The following NTM variants were observed in gnomAD, a reference collection of about 807,000 sequenced individuals.
NTM encodes neurotrimin, also known as IgLON family member 2.
A neutral mutation model predicts 42.1 loss-of-function variants in NTM; 13 were observed. That is an observed-to-expected ratio of 0.31 (90% CI 0.20 to 0.49). The LOEUF (loss-of-function observed/expected upper bound fraction) is 0.49. Ranked by LOEUF, NTM falls within the 20% of genes least tolerant of loss-of-function variation. NTM has a pLI of 0.99. For synonymous variants in NTM, 187 were observed against 179.2 expected, an observed-to-expected ratio of 1.04 and a Z score of -0.35; for missense variants, 373 against 452.8, an observed-to-expected ratio of 0.82 and a Z score of 1.60.
chr11:131,667,426 C>T (rs567685062), intron 1 of NTM, among the ~76,000 whole-genome samples: 1 of 152,268 alleles, frequency 6.6e-6, no homozygotes, highest in East Asian at 1.9e-4. Flanking sequence ...GGGTGCTCAC[C>T]CTTGAATCCA....
chr11:132,283,883 A>G (rs1423014697), intron 4 of NTM, among the ~76,000 whole-genome samples: 1 of 152,138 alleles, frequency 6.6e-6, no homozygotes, highest in Non-Finnish European at 1.5e-5. Context: ...CCCAGGCCCC[A>G]TGGGAGTGCC....
intron 1 of NTM, among the ~76,000 whole-genome samples, chr11:131,478,882 A>G (rs767323591): frequency 7.2e-5 from 11 of 152,230 alleles, no homozygotes; most frequent in Non-Finnish European, 1.3e-4. Flanking sequence ...ATTTCAATCC[A>G]GTCTGGTTCT....
rs971682393 is a variant in NTM, at chr11:132,179,309, A to C, written c.401-32713A>C. Among the ~76,000 whole-genome samples the C allele has an allele frequency of 4.6e-5, 7 of 152,294 alleles. No individual in the cohort carries two copies. The East Asian group carries it at 9.7e-4, about 21-fold the overall frequency. The stretch of plus-strand genomic sequence containing the variant: ...GAGTCTGCCAATCCAAAGTACCCTA[A>C]TGGATGCACAAGAGAAAATCCTAGG... On this transcript the variant is annotated intron_variant, in intron 3 of 8. Coordinates refer to ENST00000683400, the MANE Select transcript of NTM (RefSeq NM_001352005.2).
intron 2 of NTM, among the ~76,000 whole-genome samples, chr11:131,988,931 G>A (rs940008169): frequency 2.6e-5 from 4 of 152,178 alleles, no homozygotes; most frequent in Non-Finnish European, 5.9e-5. Context: ...TGGAAAAACA[G>A]AGAAAGTAAA....
At chr11:131,907,150 CGAG>C (rs2053983841) in intron 1 of NTM, among the ~76,000 whole-genome samples, 1 of 152,166 alleles carries the variant, frequency 6.6e-6, no homozygotes, top group Non-Finnish European at 1.5e-5. Flanking sequence ...CCTTTTTCGA[CGAG>C]GAGAAGCAGA....
intron 1 of NTM, among the ~76,000 whole-genome samples, chr11:131,381,037 C>G (rs548280315): frequency 5.7e-4 from 86 of 152,198 alleles, no homozygotes; most frequent in African/African-American, 2.0e-3. Context: ...TGTAGTAGTA[C>G]TTGTGGAGCT....
intron 1 of NTM, among the ~76,000 whole-genome samples, chr11:131,527,489 A>G (rs1405437581): frequency 1.3e-5 from 2 of 152,172 alleles, no homozygotes; most frequent in African/African-American, 4.8e-5. Flanking sequence ...TCTTACCTGG[A>G]TGGATTACAC....
chr11:131,624,152 T>C (rs138622973), intron 1 of NTM, among the ~76,000 whole-genome samples: 25 of 152,350 alleles, frequency 1.6e-4, no homozygotes, highest in African/African-American at 6.0e-4. Context: ...TTCCATTTTC[T>C]TGGCTCATAA....
intron 1 of NTM, among the ~76,000 whole-genome samples, chr11:131,375,963 C>G (rs975719383): frequency 6.6e-6 from 1 of 152,210 alleles, no homozygotes; most frequent in African/African-American, 2.4e-5. Flanking sequence ...CTTCTCTGTT[C>G]TTCACCTTCT....
chr11:132,023,609 C>T (rs2074690885), intron 2 of NTM, among the ~76,000 whole-genome samples: 1 of 152,130 alleles, frequency 6.6e-6, no homozygotes, highest in Non-Finnish European at 1.5e-5. Flanking sequence ...CAAGAGCACC[C>T]CTCTGTCCGA....
intron 1 of NTM, among the ~76,000 whole-genome samples, chr11:131,796,668 G>A (rs1231626515): frequency 6.6e-6 from 1 of 152,226 alleles, no homozygotes; most frequent in Non-Finnish European, 1.5e-5. Context: ...ATCTGGAGCT[G>A]AGAGACACAG....
chr11:132,281,899 A>T (rs1417255486), intron 4 of NTM, among the ~76,000 whole-genome samples: 1 of 152,236 alleles, frequency 6.6e-6, no homozygotes. Flanking sequence ...TGTGATATTA[A>T]TAACATAGAT....
intron 1 of NTM, among the ~76,000 whole-genome samples, chr11:131,860,996 C>T (rs956625307): frequency 1.1e-4 from 17 of 152,162 alleles, no homozygotes; most frequent in African/African-American, 3.9e-4. Flanking sequence ...TGCACCCTGT[C>T]GGTTGGCCTC....
chr11:131,793,414 G>C (rs2091190129), intron 1 of NTM, among the ~76,000 whole-genome samples: 2 of 152,176 alleles, frequency 1.3e-5, no homozygotes, highest in Admixed American at 6.5e-5. Flanking sequence ...GAATAAATGA[G>C]AGACAGATAC....
In NTM at chr11:132,078,911, A is replaced by G. The variant is rs1375545999; in HGVS notation, c.168-67371A>G. ...TTTGCCAATTCTGAATGGGATTTCA[A>G]TAAGGAGAAGTCCAACTTTAGGATT... On this transcript the variant is annotated intron_variant, in intron 2 of 8. Transcript: ENST00000683400. 9.2e-5 allele frequency among the ~76,000 whole-genome samples: 14 copies of G among 152,326 alleles called. No homozygotes were observed. The South Asian group carries it at 2.9e-3, about 32-fold the overall frequency.
chr11:132,243,483 G>A (rs989234074), intron 4 of NTM, among the ~76,000 whole-genome samples: 9 of 152,304 alleles, frequency 5.9e-5, no homozygotes, highest in Admixed American at 5.2e-4. Flanking sequence ...TGGCCTGGGA[G>A]TGCAGAATCC....
chr11:132,021,873 C>A (rs2074396640), intron 2 of NTM, among the ~76,000 whole-genome samples: 1 of 152,226 alleles, frequency 6.6e-6, no homozygotes, highest in African/African-American at 2.4e-5. Flanking sequence ...CCTGTCATGT[C>A]CTTTCTGCTC....
Position 131,606,108 on chromosome 11 carries a change from A to G in NTM, c.82+235220A>G, listed in dbSNP as rs546127001. 1.7e-3 allele frequency among the ~76,000 whole-genome samples: 256 copies of G among 152,244 alleles called. 3 individuals are homozygous for G. Among genetic ancestry groups the G allele is most frequent in the African/African-American group, 5.2e-3 (214 of 41,542 alleles). ...ATTCAGGCTGGAGTGCAGTGGTGCC[A>G]TCGCAGTTCACTGTAGCCTCAACCT... On this transcript the variant is annotated intron_variant, in intron 1 of 8. Coordinates refer to ENST00000683400, the MANE Select transcript of NTM (RefSeq NM_001352005.2).
At chr11:131,591,568 G>C (rs536576390) in intron 1 of NTM, among the ~76,000 whole-genome samples, 1 of 152,322 alleles carries the variant, frequency 6.6e-6, no homozygotes, top group South Asian at 2.1e-4. Context: ...GCTGAGCTGG[G>C]TAGTTCCCAG....
Sources: gnomAD v4.1 joint callset for allele counts (sites outside exome capture counted in the v4.1 genomes callset) on GRCh38, gnomAD v4.1.1 for gene constraint, MANE v1.5 for transcripts, NCBI Gene and HGNC (gene_info 2026-07-23, HGNC 2026-07-21) for gene names.